The following ARSG variants were observed in gnomAD, a reference collection of about 807,000 sequenced individuals.
ARSG encodes the protein arylsulfatase G, also known as ASG.
In ARSG, 37 loss-of-function variants were observed where a neutral mutation model predicts 50.5. The ratio of observed to expected loss-of-function variants is 0.73; its 90% CI spans 0.56 to 0.96. The LOEUF is 0.96. Ranked by LOEUF, ARSG falls within the 50% of genes least tolerant of loss-of-function variation. The pLI, the probability that ARSG is intolerant of heterozygous loss-of-function variation, is 0.00. For synonymous variants in ARSG, 225 were observed against 254.6 expected, an observed-to-expected ratio of 0.88 and a Z score of 1.11; for missense variants, 629 against 675.3, an observed-to-expected ratio of 0.93 and a Z score of 0.76.
At chr17:68,311,118 T>C (rs576474221) in intron 2 of ARSG, among the ~76,000 whole-genome samples, 1 of 152,344 alleles carries the variant, frequency 6.6e-6, no homozygotes, top group South Asian at 2.1e-4. Context: ...ATTGCACTGC[T>C]GCACTCCAGC....
chr17:68,349,577 C>G (rs528302807), intron 4 of ARSG, among the ~76,000 whole-genome samples: 1 of 152,076 alleles, frequency 6.6e-6, no homozygotes, highest in South Asian at 2.1e-4. Flanking sequence ...ATGAAGATAT[C>G]AATTTTTTAA....
chr17:68,288,919 G>C (rs183209959), upstream of ARSG, among the ~76,000 whole-genome samples: 22 of 152,246 alleles, frequency 1.4e-4, no homozygotes, highest in Admixed American at 3.9e-4. Context: ...TACAAAACTC[G>C]ACAATTCTGA....
intron 11 of ARSG, among the ~76,000 whole-genome samples, chr17:68,407,799 A>C (rs1385151979): frequency 4.6e-5 from 7 of 152,128 alleles, no homozygotes; most frequent in Non-Finnish European, 1.0e-4. Flanking sequence ...TATTGTCAGC[A>C]AACAGTGAGA....
downstream of ARSG, chr17:68,421,057 G>A (rs1353952807): frequency 6.4e-6 from 1 of 155,090 alleles, no homozygotes; most frequent in Non-Finnish European, 1.4e-5. Flanking sequence ...AGTAGATCCT[G>A]AAATCCTACA....
rs1351164137 is a variant in ARSG, at chr17:68,417,746, T to TA, written c.1304-2443_1304-2442insA. 4.2e-4 allele frequency among the ~76,000 whole-genome samples: 49 copies of TA among 115,454 alleles called. 1 individual carries two copies. The highest frequency in any genetic ancestry group is 2.7e-3 in the Admixed American group (30 of 11,136). 75.7% of individuals were successfully genotyped at this position (115,454 alleles called of 152,430 possible). On this transcript the variant is annotated intron_variant, in intron 11 of 11. Transcript: ENST00000621439. ...AAGAGTTGCTGAATTTTTTTTTTTT[T>TA]TTTTTTTTTTTTTTTTTTTGAGATG...
intron 2 of ARSG, among the ~76,000 whole-genome samples, chr17:68,337,969 C>G (rs1481452183): frequency 6.6e-6 from 1 of 152,156 alleles, no homozygotes; most frequent in East Asian, 1.9e-4. Context: ...CAGCACCGCT[C>G]GCTCCAGGAA....
the ARSG span, chr17:68,436,267 A>G: frequency 1.1e-6 from 1 of 887,774 alleles, no homozygotes; most frequent in Non-Finnish European, 1.9e-6. Flanking sequence ...ACTCCCCAGT[A>G]TTGCTTACTC....
chr17:68,319,340 C>T (rs535829583), intron 2 of ARSG, among the ~76,000 whole-genome samples: 7 of 152,270 alleles, frequency 4.6e-5, no homozygotes, highest in African/African-American at 1.2e-4. Context: ...CATGGTGGGA[C>T]AGGCGACTTT....
intron 11 of ARSG, among the ~76,000 whole-genome samples, chr17:68,402,685 C>T (rs944319365): frequency 2.0e-5 from 3 of 152,040 alleles, no homozygotes; most frequent in Admixed American, 6.6e-5. Flanking sequence ...CCACCTCGCC[C>T]GCCTTATTTT....
intron 1 of ARSG, chr17:68,272,641 G>C: frequency 6.2e-7 from 1 of 1,613,830 alleles, no homozygotes; most frequent in South Asian, 1.1e-5. Flanking sequence ...CCACCTACCT[G>C]GTGCGAAAGC....
At chr17:68,341,164 G>A (rs1406095517) in intron 2 of ARSG, among the ~76,000 whole-genome samples, 1 of 152,064 alleles carries the variant, frequency 6.6e-6, no homozygotes, top group African/African-American at 2.4e-5. Context: ...AGAACACTGG[G>A]TGCTGATATT....
intron 6 of ARSG, among the ~76,000 whole-genome samples, chr17:68,357,958 C>G (rs1044774836): frequency 6.6e-6 from 1 of 152,178 alleles, no homozygotes; most frequent in African/African-American, 2.4e-5. Flanking sequence ...AATCCCAGCA[C>G]TTTGGGAGGC....
At chr17:68,417,421 G>A (rs1389222892) in intron 11 of ARSG, among the ~76,000 whole-genome samples, 1 of 152,172 alleles carries the variant, frequency 6.6e-6, no homozygotes, top group Non-Finnish European at 1.5e-5. Context: ...GAACTTGGTT[G>A]AGCTCCTGGA....
chr17:68,437,029 T>TGC, the ARSG span, among the ~76,000 whole-genome samples: 2 of 150,564 alleles, frequency 1.3e-5, no homozygotes, highest in African/African-American at 4.9e-5. Flanking sequence ...TGTGTGTGTG[T>TGC]GTGTGTGTAT....
Position 68,352,142 on chromosome 17 carries a change from GGAGAGAGAGAGAGAGAGAGACA to G in ARSG, c.566+483_566+504del, listed in dbSNP as rs1206379706. On this transcript the variant is annotated intron_variant, in intron 5 of 11. Coordinates refer to ENST00000621439, the MANE Select transcript of ARSG (RefSeq NM_001267727.2). ...GAGGAGAGAGAGAGAGAGAGACAGAGGAGAGAGAGAGAGAGAGAGACAGAGAGAGAGAGAGAGAGAGACAGAG... is the reference window on the plus strand; with the variant it reads ...GAGGAGAGAGAGAGAGAGAGACAGAGGAGAGAGAGAGAGAGAGAGACAGAG... Among the ~76,000 whole-genome samples the G allele has an allele frequency of 5.3e-3, 446 of 83,814 alleles. 4 individuals carry two copies. The highest frequency in any genetic ancestry group is 9.1e-3 in the South Asian group (27 of 2,980). 55.0% of individuals were successfully genotyped at this position (83,814 alleles called of 152,430 possible).
At chr17:68,366,269 T>C (rs1269761383) in intron 6 of ARSG, among the ~76,000 whole-genome samples, 1 of 152,184 alleles carries the variant, frequency 6.6e-6, no homozygotes, top group African/African-American at 2.4e-5. Flanking sequence ...ATTTATTTAA[T>C]TGTGGACTTT....
chr17:68,324,260 T>C (rs1431949496), intron 2 of ARSG, among the ~76,000 whole-genome samples: 2 of 152,108 alleles, frequency 1.3e-5, no homozygotes, highest in Non-Finnish European at 2.9e-5. Context: ...TTGACCACGC[T>C]GACATTCTGG....
intron 1 of ARSG, among the ~76,000 whole-genome samples, chr17:68,280,587 A>G (rs1335297871): frequency 6.6e-6 from 1 of 152,246 alleles, no homozygotes; most frequent in Admixed American, 6.5e-5. Flanking sequence ...GGATATCAAT[A>G]CAAACAATGA....
At chr17:68,424,858 C>G (rs184329751), downstream of ARSG, among the ~76,000 whole-genome samples, 40 of 152,342 alleles carry the variant, frequency 2.6e-4, no homozygotes, top group East Asian at 7.1e-3. Flanking sequence ...GCCTGGGTGA[C>G]AGAGCAAGAC....
Sources: gnomAD v4.1 joint callset for allele counts (sites outside exome capture counted in the v4.1 genomes callset) on GRCh38, gnomAD v4.1.1 for gene constraint, MANE v1.5 for transcripts, NCBI Gene and HGNC (gene_info 2026-07-23, HGNC 2026-07-21) for gene names.